Variants in TRIQK observed in about 807,000 individuals in gnomAD.
TRIQK encodes triple QxxK/R motif containing, also known as triple QxxK/R motif-containing protein.
A neutral mutation model predicts 10.8 loss-of-function variants in TRIQK; 10 were observed. That is an observed-to-expected ratio of 0.92 (90% CI 0.57 to 1.57). TRIQK has a LOEUF of 1.57. Among genes scored for constraint, TRIQK ranks in the 40% most tolerant of loss-of-function variants. The pLI is 0.00. For synonymous variants in TRIQK, 33 were observed against 33.7 expected, an observed-to-expected ratio of 0.98 and a Z score of 0.07; for missense variants, 107 against 97.7, an observed-to-expected ratio of 1.09 and a Z score of -0.40.
intron 1 of TRIQK, chr8:93,017,525 C>T (rs577431389): frequency 6.6e-6 from 1 of 152,344 alleles, no homozygotes; most frequent in African/African-American, 2.4e-5. Flanking sequence ...TGCTGGGGAA[C>T]AGTACCATGA....
intron 1 of TRIQK, chr8:92,963,648 C>T (rs1180171874): frequency 6.6e-6 from 1 of 152,130 alleles, no homozygotes; most frequent in Non-Finnish European, 1.5e-5. Context: ...AATCTCAACA[C>T]TTTGGGAGGC....
chr8:92,999,851 T>C (rs1813190619), intron 1 of TRIQK, among the ~76,000 whole-genome samples: 1 of 152,296 alleles, frequency 6.6e-6, no homozygotes, highest in African/African-American at 2.4e-5. Context: ...CTCCATTAAA[T>C]TAAAAATGTA....
chr8:92,884,598 C>G lies in TRIQK; in HGVS notation c.*2024G>C, dbSNP rs1816374754. 1 of 318,990 alleles carries G rather than the reference C, an allele frequency of 3.1e-6. No individual in the cohort carries two copies. The highest frequency in any genetic ancestry group is 8.1e-5 in the East Asian group (1 of 12,412). 19.8% of individuals were successfully genotyped at this position (318,990 alleles called of 1,614,324 possible). On this transcript the variant is annotated 3_prime_UTR_variant, in exon 5 of 5. Coordinates refer to ENST00000521988, the MANE Select transcript of TRIQK (RefSeq NM_001171797.2). ...CCCAAAAAATACCTCAAGGGTAAAA[C>G]AGAATGGTAAAGTTTTTTTCAGGAT...
intron 1 of TRIQK, among the ~76,000 whole-genome samples, chr8:92,981,272 A>G (rs1336236933): frequency 6.6e-6 from 1 of 151,754 alleles, no homozygotes; most frequent in African/African-American, 2.4e-5. Context: ...TTTGTAGTTT[A>G]TTAGTACATG....
intron 2 of TRIQK, among the ~76,000 whole-genome samples, chr8:92,946,256 A>G (rs571697350): frequency 2.3e-4 from 35 of 152,288 alleles, no homozygotes; most frequent in African/African-American, 7.0e-4. Flanking sequence ...ACTTTTTCAC[A>G]TTTTGAAGAT....
At chr8:92,917,134 T>C in intron 2 of TRIQK, 124 bp from the exon 3 acceptor site, 2 of 434,764 alleles carry the variant, frequency 4.6e-6, no homozygotes, top group Non-Finnish European at 7.7e-6. Flanking sequence ...CTTATTTCCA[T>C]TAAATATTCA....
chr8:92,955,502 T>A (rs1393615136), intron 1 of TRIQK, among the ~76,000 whole-genome samples: 2 of 151,770 alleles, frequency 1.3e-5, no homozygotes, highest in African/African-American at 4.8e-5. Context: ...TAAAACTTTA[T>A]TACTTTGAGT....
chr8:92,998,167 G>A (rs2130754708), intron 1 of TRIQK, among the ~76,000 whole-genome samples: 1 of 152,014 alleles, frequency 6.6e-6, no homozygotes, highest in South Asian at 2.1e-4. Context: ...TTGACCTTTA[G>A]TGAACTCTTA....
chr8:92,950,530 TA>T (rs1367001960), intron 2 of TRIQK, among the ~76,000 whole-genome samples: 1 of 152,196 alleles, frequency 6.6e-6, no homozygotes, highest in Non-Finnish European at 1.5e-5. Context: ...TTAGGAGTTG[TA>T]AACTTCTTGA....
chr8:92,885,157 T>C lies in TRIQK; in HGVS notation c.*1465A>G, dbSNP rs762377885. The C allele has an allele frequency of 4.0e-4, 150 of 376,644 alleles. No individual in the cohort carries two copies. Among genetic ancestry groups the C allele is most frequent in the Non-Finnish European group, 3.7e-4 (70 of 187,726 alleles). The allele number at this position is 376,644 out of a possible 1,614,324, so 23.3% of individuals were successfully genotyped here. A position where few individuals can be genotyped will look rare whatever the true frequency, so the allele number is the denominator to read the frequency against. On this transcript the variant is annotated 3_prime_UTR_variant, in exon 5 of 5. Transcript: ENST00000521988. ...ATGATTTGTGAGGATATTGGAACCTTTGGCTGTTTTCACACCAATGAAATA... is the reference window on the plus strand; with the variant it reads ...ATGATTTGTGAGGATATTGGAACCTCTGGCTGTTTTCACACCAATGAAATA...
chr8:92,987,965 C>T (rs1414027608), intron 1 of TRIQK, among the ~76,000 whole-genome samples: 1 of 147,306 alleles, frequency 6.8e-6, no homozygotes, highest in Non-Finnish European at 1.5e-5. Flanking sequence ...ATGACATAAT[C>T]GTCGTTTTTA....
intron 3 of TRIQK, among the ~76,000 whole-genome samples, chr8:92,904,207 T>G (rs1247118787): frequency 6.6e-6 from 1 of 152,116 alleles, no homozygotes; most frequent in Admixed American, 6.5e-5. Context: ...CATTTTCCAG[T>G]TTTTGAATAC....
At chr8:92,927,021 A>G (rs1810479749) in intron 2 of TRIQK, among the ~76,000 whole-genome samples, 1 of 152,168 alleles carries the variant, frequency 6.6e-6, no homozygotes, top group Non-Finnish European at 1.5e-5. Context: ...ACTGCACTCC[A>G]GCTTGGGCAA....
chr8:92,981,368 T>A (rs1276277117), intron 1 of TRIQK, among the ~76,000 whole-genome samples: 2 of 151,960 alleles, frequency 1.3e-5, no homozygotes, highest in Non-Finnish European at 2.9e-5. Context: ...TATGTCTATC[T>A]ATTAGATCAA....
intron 2 of TRIQK, among the ~76,000 whole-genome samples, chr8:92,920,447 C>A (rs1049838751): frequency 6.6e-6 from 1 of 150,962 alleles, no homozygotes; most frequent in African/African-American, 2.4e-5. Flanking sequence ...GTTGGAAAAG[C>A]CAACTTCTTC....
intron 4 of TRIQK, 94 bp from the exon 5 acceptor site, chr8:92,886,829 G>T: frequency 1.4e-6 from 1 of 699,122 alleles, no homozygotes; most frequent in Non-Finnish European, 2.4e-6. Context: ...TTGTTCCACA[G>T]TCTAGAATGA....
At chr8:92,971,655 C>T (rs1033067821) in intron 1 of TRIQK, among the ~76,000 whole-genome samples, 2 of 152,130 alleles carry the variant, frequency 1.3e-5, no homozygotes, top group East Asian at 3.9e-4. Context: ...AGGACACAAA[C>T]AAATGGAAAA....
intron 2 of TRIQK, among the ~76,000 whole-genome samples, chr8:92,940,651 G>A (rs1199479639): frequency 6.6e-6 from 1 of 152,162 alleles, no homozygotes; most frequent in Admixed American, 6.6e-5. Context: ...GATATAAAGA[G>A]AGAAATTGAC....
chr8:92,944,037 T>C (rs923608487), intron 2 of TRIQK, among the ~76,000 whole-genome samples: 10 of 152,130 alleles, frequency 6.6e-5, no homozygotes, highest in African/African-American at 2.4e-4. Flanking sequence ...AATAATCTCA[T>C]TTTGAAAATG....
Sources: gnomAD v4.1 joint callset for allele counts (sites outside exome capture counted in the v4.1 genomes callset) on GRCh38, gnomAD v4.1.1 for gene constraint, MANE v1.5 for transcripts, NCBI Gene and HGNC (gene_info 2026-07-23, HGNC 2026-07-21) for gene names.